Variants in SMOC1 observed in about 807,000 individuals in gnomAD.
SMOC1 encodes the protein SPARC related modular calcium binding 1.
A neutral mutation model predicts 56.3 loss-of-function variants in SMOC1; 22 were observed. That is an observed-to-expected ratio of 0.39 (90% CI 0.28 to 0.56). The LOEUF is 0.56. SMOC1 is among the 20% of genes least tolerant of loss of function. The probability of loss-of-function intolerance (pLI) is 0.61; values close to 1 mark genes in which losing one functional copy is unlikely to be tolerated. For missense variants in SMOC1, 509 were observed against 565.4 expected (o/e 0.90, Z 1.01); for synonymous variants, 193 against 215.0 (o/e 0.90, Z 0.89).
chr14:69,897,605 G>A (rs1884133500), intron 1 of SMOC1, among the ~76,000 whole-genome samples: 1 of 150,464 alleles, frequency 6.6e-6, no homozygotes, highest in Non-Finnish European at 1.5e-5. Context: ...TTGCCCCAGA[G>A]TTTGCAATAA....
intron 1 of SMOC1, among the ~76,000 whole-genome samples, chr14:69,935,499 C>T (rs1010144495): frequency 3.5e-4 from 53 of 152,210 alleles, no homozygotes; most frequent in African/African-American, 1.2e-3. Flanking sequence ...TGAGCAACTT[C>T]AGAAGTTGGC....
intron 7 of SMOC1, among the ~76,000 whole-genome samples, chr14:69,994,688 G>T (rs1407423284): frequency 6.6e-6 from 1 of 152,076 alleles, no homozygotes; most frequent in African/African-American, 2.4e-5. Context: ...TCTTTCTTAG[G>T]TCGTTGATCC....
intron 1 of SMOC1, among the ~76,000 whole-genome samples, chr14:69,943,567 G>A (rs1882659304): frequency 6.6e-6 from 1 of 152,254 alleles, no homozygotes. Context: ...GAAGGACGTG[G>A]TGAGAGGCGA....
Position 70,011,520 on chromosome 14 carries a change from C to A in SMOC1, c.893C>A (p.Ala298Asp), listed in dbSNP as rs755186347. 1.3e-5 allele frequency: 21 copies of A among 1,574,280 alleles called. No homozygotes were observed. The highest frequency in any genetic ancestry group is 1.7e-4 in the Middle Eastern group (1 of 5,838). Residue 298 changes from alanine (A) to aspartate (D), a missense_variant, in exon 9 of 12, where the codon GCC becomes GAC. Transcript: ENST00000361956. ...VMPSCESDAR[A>D]KTTEADDPFK... ...CCCAGTTGTGAGAGCGACGCCAGGGCCAAGACTACAGAGGCGGATGACCCC... is the reference window on the plus strand; with the variant it reads ...CCCAGTTGTGAGAGCGACGCCAGGGACAAGACTACAGAGGCGGATGACCCC...
At chr14:69,882,755 G>A (rs1440056830) in intron 1 of SMOC1, among the ~76,000 whole-genome samples, 1 of 152,198 alleles carries the variant, frequency 6.6e-6, no homozygotes, top group African/African-American at 2.4e-5. Context: ...AAGATGGAAA[G>A]CTGGGTGAAG....
At position 70,032,279 on chromosome 14, in the gene SMOC1, G is replaced by C. The variant is rs919397506; in HGVS notation, c.*2021G>C. On this transcript the variant is annotated 3_prime_UTR_variant, in exon 12 of 12. Coordinates refer to ENST00000361956, the MANE Select transcript of SMOC1 (RefSeq NM_001034852.3). ...TGTCTCCCACAGGATCGTGTGTGTAGGTGGTGTTGTGTGGTTTTCCTTTGT... is the reference window on the plus strand; with the variant it reads ...TGTCTCCCACAGGATCGTGTGTGTACGTGGTGTTGTGTGGTTTTCCTTTGT... 2 of 152,302 alleles carry C rather than the reference G, an allele frequency of 1.3e-5. No homozygotes were observed. Among genetic ancestry groups the C allele is most frequent in the Non-Finnish European group, 2.9e-5 (2 of 68,046 alleles). 9.4% of individuals were successfully genotyped at this position (152,302 alleles called of 1,614,324 possible).
chr14:69,919,919 C>G (rs553491248), intron 1 of SMOC1, among the ~76,000 whole-genome samples: 68 of 149,962 alleles, frequency 4.5e-4, no homozygotes, highest in Non-Finnish European at 6.5e-4. Flanking sequence ...TACCCCCCCC[C>G]CCCTTTCTCC....
chr14:69,999,498 C>T (rs1884891884), intron 7 of SMOC1, among the ~76,000 whole-genome samples: 1 of 152,172 alleles, frequency 6.6e-6, no homozygotes, highest in South Asian at 2.1e-4. Context: ...ATGAGTAATC[C>T]ACTAACGTTA....
chr14:69,953,393 A>G, intron 2 of SMOC1, 27 bp from the exon 3 acceptor site: 1 of 1,609,370 alleles, frequency 6.2e-7, no homozygotes, highest in East Asian at 2.2e-5. Flanking sequence ...CAAGTGAAAT[A>G]TGAAATCTGC....
chr14:70,025,158 G>A (rs1885877201), intron 11 of SMOC1, among the ~76,000 whole-genome samples: 1 of 152,206 alleles, frequency 6.6e-6, no homozygotes, highest in African/African-American at 2.4e-5. Flanking sequence ...TGCACATGAA[G>A]GATGAGTGGC....
At chr14:69,927,498 G>A (rs1885042279) in intron 1 of SMOC1, among the ~76,000 whole-genome samples, 1 of 152,184 alleles carries the variant, frequency 6.6e-6, no homozygotes, top group African/African-American at 2.4e-5. Flanking sequence ...CTGGGCACAT[G>A]AAAACCTGTC....
chr14:69,921,998 C>T (rs559433345), intron 1 of SMOC1, among the ~76,000 whole-genome samples: 2 of 152,352 alleles, frequency 1.3e-5, no homozygotes, highest in East Asian at 3.9e-4. Context: ...CAACCTCCTC[C>T]CTTTCCGGGA....
intron 1 of SMOC1, among the ~76,000 whole-genome samples, chr14:69,913,994 A>G (rs17107425): frequency 0.098 from 14,978 of 152,272 alleles, 1,028 homozygotes; most frequent in African/African-American, 0.19. Flanking sequence ...GATCCTGATC[A>G]TGTGGGTATA....
intron 1 of SMOC1, among the ~76,000 whole-genome samples, chr14:69,944,814 A>C (rs1383425927): frequency 6.6e-6 from 1 of 152,230 alleles, no homozygotes; most frequent in Non-Finnish European, 1.5e-5. Flanking sequence ...GTTCATTGGG[A>C]ATGAATTCCA....
At chr14:69,996,986 C>G (rs1021490270) in intron 7 of SMOC1, among the ~76,000 whole-genome samples, 1 of 152,162 alleles carries the variant, frequency 6.6e-6, no homozygotes, top group Non-Finnish European at 1.5e-5. Context: ...TGTCTGTGAC[C>G]ATTTTCATCT....
intron 4 of SMOC1, among the ~76,000 whole-genome samples, chr14:69,976,923 G>A (rs760423050): frequency 1.3e-5 from 2 of 152,166 alleles, no homozygotes; most frequent in Non-Finnish European, 2.9e-5. Context: ...TCTACATCAG[G>A]AAACCCAAAT....
chr14:70,020,969 G>C (rs370570150), intron 10 of SMOC1, among the ~76,000 whole-genome samples: 6 of 152,196 alleles, frequency 3.9e-5, no homozygotes, highest in African/African-American at 1.4e-4. Flanking sequence ...GAGGGAGTGC[G>C]CCTCCCCTGG....
At chr14:69,981,079 A>G (rs1884162880) in intron 5 of SMOC1, among the ~76,000 whole-genome samples, 2 of 152,054 alleles carry the variant, frequency 1.3e-5, no homozygotes, top group Admixed American at 1.3e-4. Flanking sequence ...GAGCAGAAGG[A>G]GGCTGGGGGA....
At chr14:69,893,264 T>C (rs1288259266) in intron 1 of SMOC1, among the ~76,000 whole-genome samples, 1 of 152,254 alleles carries the variant, frequency 6.6e-6, no homozygotes, top group African/African-American at 2.4e-5. Context: ...TGATGATCAT[T>C]GCTAGACCTG....
Sources: gnomAD v4.1 joint callset for allele counts (sites outside exome capture counted in the v4.1 genomes callset) on GRCh38, gnomAD v4.1.1 for gene constraint, MANE v1.5 for transcripts, NCBI Gene and HGNC (gene_info 2026-07-23, HGNC 2026-07-21) for gene names.